KIF6: variants seen among roughly 807,000 people sequenced by gnomAD.
KIF6 encodes the protein kinesin-like protein KIF6.
A neutral mutation model predicts 112.7 loss-of-function variants in KIF6; 106 were observed. The observed-to-expected ratio is 0.94, with a 90% confidence interval of 0.80 to 1.11. The LOEUF is 1.11. KIF6 is among the 50% of genes least tolerant of loss of function. KIF6 has a pLI of 0.00. For synonymous variants in KIF6, 339 were observed against 339.9 expected, an observed-to-expected ratio of 1.00 and a Z score of 0.03; for missense variants, 929 against 964.0, an observed-to-expected ratio of 0.96 and a Z score of 0.48.
chr6:39,447,693 T>G (rs370570672), intron 13 of KIF6, among the ~76,000 whole-genome samples: 1 of 152,254 alleles, frequency 6.6e-6, no homozygotes, highest in African/African-American at 2.4e-5. Context: ...TTTACCCCAT[T>G]AACCTTCCAG....
At chr6:39,414,578 A>G (rs1769760847) in intron 15 of KIF6, among the ~76,000 whole-genome samples, 1 of 152,204 alleles carries the variant, frequency 6.6e-6, no homozygotes, top group Non-Finnish European at 1.5e-5. Context: ...ACTCACTGCC[A>G]CAACTGGGCC....
intron 3 of KIF6, among the ~76,000 whole-genome samples, chr6:39,694,342 T>G (rs1266892529): frequency 1.3e-5 from 2 of 151,832 alleles, no homozygotes; most frequent in South Asian, 2.1e-4. Context: ...AAGAAAGAAA[T>G]AAAAGGCGTC....
intron 16 of KIF6, among the ~76,000 whole-genome samples, chr6:39,366,785 C>T (rs558956761): frequency 1.3e-5 from 2 of 152,174 alleles, no homozygotes; most frequent in Admixed American, 6.5e-5. Flanking sequence ...GAGGCCAGAC[C>T]CTGGAGGATC....
At chr6:39,443,356 G>A (rs1772076375) in intron 13 of KIF6, among the ~76,000 whole-genome samples, 1 of 151,872 alleles carries the variant, frequency 6.6e-6, no homozygotes, top group Non-Finnish European at 1.5e-5. Flanking sequence ...GTGTCCTGTT[G>A]TCTGAAAAAT....
At chr6:39,434,289 C>A (rs530616649) in intron 13 of KIF6, among the ~76,000 whole-genome samples, 9 of 151,764 alleles carry the variant, frequency 5.9e-5, no homozygotes, top group Non-Finnish European at 1.2e-4. Flanking sequence ...AATGGCAGGG[C>A]GCAATGGCTC....
chr6:39,652,347 G>C (rs35744163), intron 3 of KIF6, among the ~76,000 whole-genome samples: 4 of 152,038 alleles, frequency 2.6e-5, no homozygotes, highest in Non-Finnish European at 5.9e-5. Flanking sequence ...TGACCAACAC[G>C]GTGAAACCCC....
At chr6:39,541,524 C>T (rs1778786624) in intron 12 of KIF6, among the ~76,000 whole-genome samples, 1 of 152,218 alleles carries the variant, frequency 6.6e-6, no homozygotes, top group African/African-American at 2.4e-5. Context: ...CTCACTCATT[C>T]AGTGATATTT....
At chr6:39,577,959 T>G (rs912440910) in intron 10 of KIF6, 97 bp downstream of exon 10, 1 of 805,166 alleles carries the variant, frequency 1.2e-6, no homozygotes, top group African/African-American at 1.7e-5. Context: ...CAGGAGACCT[T>G]CATGCTTTGA....
chr6:39,668,672 A>G (rs1786625796), intron 3 of KIF6, among the ~76,000 whole-genome samples: 1 of 152,116 alleles, frequency 6.6e-6, no homozygotes, highest in Non-Finnish European at 1.5e-5. Context: ...TCTCATGAAA[A>G]CTTTTCCTGA....
intron 13 of KIF6, among the ~76,000 whole-genome samples, chr6:39,444,914 A>C (rs1772207663): frequency 6.6e-6 from 1 of 152,064 alleles, no homozygotes; most frequent in Middle Eastern, 3.2e-3. Context: ...CAAGAGCTGG[A>C]GATCTCTGTG....
chr6:39,337,249 TCTTTC>T, intron 22 of KIF6, among the ~76,000 whole-genome samples: 1 of 73,388 alleles, frequency 1.4e-5, no homozygotes, highest in African/African-American at 6.3e-5. Context: ...TTCTTTCTTT[TCTTTC>T]CCTCCCTCCC....
In KIF6 at chr6:39,685,482, C is replaced by G. The variant is rs560181208; in HGVS notation, c.251+29210G>C. ...GGAATGTAGGAAGTTTGAGAAGAACCAAATTGGGAAACAGTCATCTCTGAC... is the reference window on the plus strand; with the variant it reads ...GGAATGTAGGAAGTTTGAGAAGAACGAAATTGGGAAACAGTCATCTCTGAC... On this transcript the variant is annotated intron_variant, in intron 3 of 22. Coordinates refer to ENST00000287152, the MANE Select transcript of KIF6 (RefSeq NM_145027.6). Among the ~76,000 whole-genome samples, 5 of 152,262 alleles carry G rather than the reference C, an allele frequency of 3.3e-5. No homozygotes were observed. In the East Asian group the frequency reaches 9.7e-4, roughly 29 times the overall value.
chr6:39,547,194 C>T (rs992344525), intron 10 of KIF6, among the ~76,000 whole-genome samples: 4 of 152,138 alleles, frequency 2.6e-5, no homozygotes, highest in Non-Finnish European at 4.4e-5. Context: ...TTACTATCAG[C>T]CCACCCAGAT....
At chr6:39,452,841 C>T (rs1772791856) in intron 13 of KIF6, among the ~76,000 whole-genome samples, 1 of 152,158 alleles carries the variant, frequency 6.6e-6, no homozygotes, top group Non-Finnish European at 1.5e-5. Flanking sequence ...CATTTCAGAA[C>T]AGGCGCAAAA....
intron 13 of KIF6, among the ~76,000 whole-genome samples, chr6:39,534,537 A>T (rs1391711726): frequency 6.6e-6 from 1 of 152,236 alleles, no homozygotes; most frequent in East Asian, 1.9e-4. Context: ...AAATGATCAA[A>T]GCCTCCAAGA....
chr6:39,588,824 T>C (rs1432673335), intron 7 of KIF6, among the ~76,000 whole-genome samples: 1 of 152,162 alleles, frequency 6.6e-6, no homozygotes, highest in African/African-American at 2.4e-5. Flanking sequence ...TTGCCAAGAA[T>C]TGGACCACTT....
At chr6:39,658,420 A>G (rs895790276) in intron 3 of KIF6, among the ~76,000 whole-genome samples, 7 of 152,182 alleles carry the variant, frequency 4.6e-5, no homozygotes, top group Non-Finnish European at 8.8e-5. Flanking sequence ...CCTATTTCCA[A>G]AATAAAGGAA....
At chr6:39,656,502 A>T (rs965889985) in intron 3 of KIF6, among the ~76,000 whole-genome samples, 2 of 152,128 alleles carry the variant, frequency 1.3e-5, no homozygotes, top group Non-Finnish European at 1.5e-5. Flanking sequence ...ATAAGATCCA[A>T]TTTTTTCTGT....
chr6:39,368,217 G>A (rs116019810), intron 16 of KIF6, among the ~76,000 whole-genome samples: 330 of 152,234 alleles, frequency 2.2e-3, no homozygotes, highest in African/African-American at 7.6e-3. Context: ...TGCCTGCATC[G>A]GGCCCTTGTA....
Sources: allele counts gnomAD v4.1 joint callset (sites outside exome capture counted in the v4.1 genomes callset), GRCh38; gene constraint gnomAD v4.1.1; transcripts MANE v1.5; gene names NCBI Gene and HGNC (gene_info 2026-07-23, HGNC 2026-07-21).